GRID2: variants seen among roughly 807,000 people sequenced by gnomAD.
The protein encoded by GRID2 is glutamate ionotropic receptor delta type subunit 2, also known as glutamate receptor ionotropic, delta-2.
GRID2 carries 33 observed loss-of-function variants against 114.8 expected under a neutral mutation model. The ratio of observed to expected loss-of-function variants is 0.29; its 90% CI spans 0.22 to 0.38. The LOEUF is 0.38. Ranked by LOEUF, GRID2 falls within the 10% of genes least tolerant of loss-of-function variation. GRID2 has a pLI of 1.00. For missense variants in GRID2, 1,184 were observed against 1,257.7 expected (o/e 0.94, Z 0.89); for synonymous variants, 505 against 449.9 (o/e 1.12, Z -1.55).
At chr4:93,220,194 A>G (rs1744711124) in intron 6 of GRID2, among the ~76,000 whole-genome samples, 1 of 152,084 alleles carries the variant, frequency 6.6e-6, no homozygotes, top group Non-Finnish European at 1.5e-5. Flanking sequence ...AGATAAGACA[A>G]CAGGGCTTCC....
At chr4:93,461,625 A>G (rs755521686) in intron 11 of GRID2, among the ~76,000 whole-genome samples, 1 of 152,150 alleles carries the variant, frequency 6.6e-6, no homozygotes, top group African/African-American at 2.4e-5. Flanking sequence ...AAAAATCTGT[A>G]ACTTCAAAGC....
At chr4:92,625,784 T>C (rs919069320) in intron 2 of GRID2, among the ~76,000 whole-genome samples, 2 of 151,984 alleles carry the variant, frequency 1.3e-5, no homozygotes, top group African/African-American at 4.8e-5. Context: ...AAATTGCGAC[T>C]GTTTCTCATC....
chr4:92,946,806 A>T (rs1410811657), intron 2 of GRID2, among the ~76,000 whole-genome samples: 1 of 152,078 alleles, frequency 6.6e-6, no homozygotes, highest in African/African-American at 2.4e-5. Context: ...TTTTAGGTCC[A>T]ATCTTGTAAT....
At chr4:92,865,307 A>T (rs918471662) in intron 2 of GRID2, among the ~76,000 whole-genome samples, 8 of 152,222 alleles carry the variant, frequency 5.3e-5, no homozygotes, top group African/African-American at 1.9e-4. Flanking sequence ...TTCAGAGATG[A>T]TGTCTAACAA....
At chr4:93,366,302 C>G (rs922623947) in intron 8 of GRID2, among the ~76,000 whole-genome samples, 4 of 152,010 alleles carry the variant, frequency 2.6e-5, no homozygotes, top group Non-Finnish European at 5.9e-5. Context: ...GAATGCGCAC[C>G]TGGGGATAGG....
chr4:92,364,429 A>G (rs1728756043), intron 1 of GRID2, among the ~76,000 whole-genome samples: 1 of 152,140 alleles, frequency 6.6e-6, no homozygotes, highest in Non-Finnish European at 1.5e-5. Context: ...GTTTTGATAT[A>G]GATTATTTCC....
intron 2 of GRID2, among the ~76,000 whole-genome samples, chr4:93,049,690 T>C (rs1419656932): frequency 6.6e-6 from 1 of 151,998 alleles, no homozygotes; most frequent in Non-Finnish European, 1.5e-5. Flanking sequence ...TTGTTACTTA[T>C]AAATGGTATA....
chr4:93,108,189 A>G (rs192020728), intron 3 of GRID2, among the ~76,000 whole-genome samples: 55 of 152,326 alleles, frequency 3.6e-4, no homozygotes, highest in Non-Finnish European at 5.9e-5. Flanking sequence ...AGTAAAATAT[A>G]TCCTCCTCCT....
intron 2 of GRID2, among the ~76,000 whole-genome samples, chr4:92,969,296 A>G (rs567488401): frequency 1.3e-5 from 2 of 151,848 alleles, no homozygotes; most frequent in East Asian, 3.9e-4. Context: ...AATGTGAACA[A>G]TCCAACTATA....
At chr4:93,388,313 A>G (rs897680910) in intron 8 of GRID2, among the ~76,000 whole-genome samples, 1 of 152,198 alleles carries the variant, frequency 6.6e-6, no homozygotes, top group African/African-American at 2.4e-5. Context: ...ATTTGGCTCT[A>G]CTTTGGAATC....
chr4:92,452,537 G>A (rs1011031509), intron 1 of GRID2, among the ~76,000 whole-genome samples: 1 of 152,028 alleles, frequency 6.6e-6, no homozygotes, highest in Non-Finnish European at 1.5e-5. Flanking sequence ...GACTGGCCAG[G>A]CTGGTCTTGA....
intron 12 of GRID2, among the ~76,000 whole-genome samples, chr4:93,495,525 G>A (rs1374081853): frequency 2.0e-5 from 3 of 151,758 alleles, no homozygotes; most frequent in Non-Finnish European, 4.4e-5. Flanking sequence ...ATCATCGAGG[G>A]CATGGTAAGA....
chr4:92,797,754 CA>C (rs2149369716), intron 2 of GRID2, among the ~76,000 whole-genome samples: 1 of 151,878 alleles, frequency 6.6e-6, no homozygotes, highest in East Asian at 2.0e-4. Context: ...CACAAATCTA[CA>C]AAATATTTTT....
chr4:93,489,608 G>C (rs76737409), intron 11 of GRID2, among the ~76,000 whole-genome samples: 178 of 151,972 alleles, frequency 1.2e-3, no homozygotes, highest in Non-Finnish European at 6.8e-4. Flanking sequence ...TTCAGTAGTA[G>C]AGTCAAAGAT....
At chr4:93,738,205 G>A (rs187237461) in intron 14 of GRID2, among the ~76,000 whole-genome samples, 1 of 152,256 alleles carries the variant, frequency 6.6e-6, no homozygotes, top group African/African-American at 2.4e-5. Context: ...TGTAATTAGA[G>A]AGACTCCTGG....
chr4:92,421,078 C>G (rs1275404430), intron 1 of GRID2, among the ~76,000 whole-genome samples: 1 of 151,856 alleles, frequency 6.6e-6, no homozygotes, highest in Non-Finnish European at 1.5e-5. Flanking sequence ...TTTTTCAGTT[C>G]CATCATTTAC....
intron 2 of GRID2, among the ~76,000 whole-genome samples, chr4:92,839,658 A>G (rs1440638953): frequency 6.6e-6 from 1 of 151,674 alleles, no homozygotes; most frequent in African/African-American, 2.4e-5. Context: ...ATTTACTTCT[A>G]TTTTTATTCC....
At chr4:93,064,127 TATA>T (rs1175111415) in intron 2 of GRID2, among the ~76,000 whole-genome samples, 3 of 51,048 alleles carry the variant, frequency 5.9e-5, no homozygotes, top group East Asian at 8.5e-4. Flanking sequence ...TTTATTAAAA[TATA>T]ATATATATAA....
intron 14 of GRID2, among the ~76,000 whole-genome samples, chr4:93,683,234 G>A (rs999295137): frequency 1.3e-5 from 2 of 151,890 alleles, no homozygotes; most frequent in African/African-American, 4.8e-5. Flanking sequence ...CTATAACCCT[G>A]CTCAGATCTC....
Sources: allele counts gnomAD v4.1 joint callset (sites outside exome capture counted in the v4.1 genomes callset), GRCh38; gene constraint gnomAD v4.1.1; transcripts MANE v1.5; gene names NCBI Gene and HGNC (gene_info 2026-07-23, HGNC 2026-07-21).